The following PHACTR2 variants were observed in gnomAD, a reference collection of about 807,000 sequenced individuals.
PHACTR2 encodes the protein chromosome 6 open reading frame 56.
Under a neutral mutation model 76.0 loss-of-function variants are expected in PHACTR2, and 30 were observed. The observed-to-expected ratio is 0.39, with a 90% CI of 0.30 to 0.54. The LOEUF (loss-of-function observed/expected upper bound fraction) is 0.54. Among genes scored for constraint, PHACTR2 ranks in the 20% least tolerant of loss-of-function variants. PHACTR2 has a pLI of 0.61. For missense variants in PHACTR2, 696 were observed against 781.1 expected, an observed-to-expected ratio of 0.89 and a Z score of 1.30; for synonymous variants, 292 against 292.5, an observed-to-expected ratio of 1.00 and a Z score of 0.02.
chr6:143,692,870 A>C (rs561528349), intron 1 of PHACTR2, among the ~76,000 whole-genome samples: 1 of 152,330 alleles, frequency 6.6e-6, no homozygotes, highest in South Asian at 2.1e-4. Flanking sequence ...CCACAGACTG[A>C]GTGGCTGCAA....
intron 1 of PHACTR2, among the ~76,000 whole-genome samples, chr6:143,587,470 T>C (rs183503955): frequency 1.3e-5 from 2 of 152,132 alleles, no homozygotes; most frequent in East Asian, 3.9e-4. Context: ...ATAATAATAA[T>C]AAAAGCAAGA....
At chr6:143,569,132 T>C (rs1341195006) in intron 1 of PHACTR2, among the ~76,000 whole-genome samples, 1 of 152,240 alleles carries the variant, frequency 6.6e-6, no homozygotes, top group African/African-American at 2.4e-5. Flanking sequence ...TTGCACTTTC[T>C]GGCCTCCCTT....
At chr6:143,551,163 T>A (rs143652570) in intron 1 of PHACTR2, among the ~76,000 whole-genome samples, 179 of 152,184 alleles carry the variant, frequency 1.2e-3, no homozygotes, top group African/African-American at 4.2e-3. Context: ...AGAAGATGGA[T>A]ATACAGCAGT....
At chr6:143,615,623 A>C (rs978050074) in intron 1 of PHACTR2, among the ~76,000 whole-genome samples, 3 of 144,788 alleles carry the variant, frequency 2.1e-5, no homozygotes, top group South Asian at 2.1e-4. Context: ...TACCATTGTA[A>C]AAAAAATTAT....
rs1033156904 is a variant in PHACTR2, at chr6:143,764,075, G to A, written c.695-1186G>A. Among the ~76,000 whole-genome samples the A allele has an allele frequency of 2.0e-5, 3 of 152,116 alleles. No homozygotes were observed. The highest frequency in any genetic ancestry group is 1.9e-4 in the East Asian group (1 of 5,202). ...TTGTTTTGAAACTGTTTTGATTGAG[G>A]GTGCCCTATCCGGAAGTAGGCAAAT... is the stretch of plus-strand genomic sequence containing the variant. On this transcript the variant is annotated intron_variant, in intron 5 of 12. Coordinates refer to ENST00000440869, the MANE Select transcript of PHACTR2 (RefSeq NM_001100164.2). The surrounding 1 kb of genome is among the most constrained non-coding windows in gnomAD (Gnocchi z 4.7).
At chr6:143,686,809 G>A (rs1488168736) in intron 1 of PHACTR2, among the ~76,000 whole-genome samples, 1 of 152,120 alleles carries the variant, frequency 6.6e-6, no homozygotes, top group African/African-American at 2.4e-5. Context: ...TGAAGAGTTA[G>A]TGTGACAGTC....
rs571171374 is a variant in PHACTR2 at position 143,602,785 on chromosome 6, G to T, written c.217+65578G>T. ...GTCTGATGGATGTTGCCTTATGTAAGGTCCAGACACCAGGCAATCTGGATG... is the reference window on the plus strand; with the variant it reads ...GTCTGATGGATGTTGCCTTATGTAATGTCCAGACACCAGGCAATCTGGATG... On this transcript the variant is annotated intron_variant, in intron 1 of 11. Transcript: ENST00000367584. The surrounding 1 kb of genome is among the most constrained non-coding windows in gnomAD (Gnocchi z 6.1). 3.3e-5 allele frequency among the ~76,000 whole-genome samples: 5 copies of T among 152,282 alleles called. No homozygotes were observed. Among genetic ancestry groups the T allele is most frequent in the South Asian group, 4.1e-4 (2 of 4,828 alleles).
At chr6:143,701,109 A>G (rs1777902180) in intron 1 of PHACTR2, among the ~76,000 whole-genome samples, 1 of 152,238 alleles carries the variant, frequency 6.6e-6, no homozygotes, top group African/African-American at 2.4e-5. Context: ...AATCTGTTAA[A>G]TATCCTGTAG....
chr6:143,810,062 G>C (rs904277556), intron 12 of PHACTR2, among the ~76,000 whole-genome samples: 1 of 151,892 alleles, frequency 6.6e-6, no homozygotes, highest in African/African-American at 2.4e-5. Context: ...AGTGAGCCCA[G>C]ATCACACCAC....
In PHACTR2 at chr6:143,782,363, T is replaced by C. The variant is rs1462023273; in HGVS notation, c.1646-856T>C. 1.3e-5 allele frequency among the ~76,000 whole-genome samples: 2 copies of C among 152,210 alleles called. No individual in the cohort carries two copies. Among genetic ancestry groups the C allele is most frequent in the African/African-American group, 4.8e-5 (2 of 41,442 alleles). ...GCACTTTCTAAAACATAATCTTTCATAAGCATCGGTATCCAAGAAGCAAAA... is the reference window on the plus strand; with the variant it reads ...GCACTTTCTAAAACATAATCTTTCACAAGCATCGGTATCCAAGAAGCAAAA... On this transcript the variant is annotated intron_variant, in intron 9 of 12. Coordinates refer to ENST00000440869, the MANE Select transcript of PHACTR2 (RefSeq NM_001100164.2). The surrounding 1 kb of genome is among the most constrained non-coding windows in gnomAD (Gnocchi z 4.6).
Position 143,793,581 on chromosome 6 carries a change from A to G in PHACTR2, c.1845+4671A>G, listed in dbSNP as rs1427842298. Among the ~76,000 whole-genome samples the G allele has an allele frequency of 6.6e-6, 1 of 152,060 alleles. No individual in the cohort carries two copies. Among genetic ancestry groups the G allele is most frequent in the Non-Finnish European group, 1.5e-5 (1 of 68,010 alleles). On this transcript the variant is annotated intron_variant, in intron 11 of 12. Coordinates refer to ENST00000440869, the MANE Select transcript of PHACTR2 (RefSeq NM_001100164.2). This position sits in a 1 kb window ranked among gnomAD's most constrained non-coding sequence, Gnocchi z 4.4. ...ATTGTGTATGTGTGTGTTTCTCTGG[A>G]AGAAAATTAAGAGGTAGAATTTCTT...
At position 143,794,170 on chromosome 6, in the gene PHACTR2, G is replaced by C. The variant is rs986217492; in HGVS notation, c.1845+5260G>C. On this transcript the variant is annotated intron_variant, in intron 11 of 12. Coordinates refer to ENST00000440869, the MANE Select transcript of PHACTR2 (RefSeq NM_001100164.2). This position sits in a 1 kb window ranked among gnomAD's most constrained non-coding sequence, Gnocchi z 4.1. ...TCCCTCTAGTTGTTAAAAGATAAGTGTGATGAAATAGTACAATATTATTGC... is the reference window on the plus strand; with the variant it reads ...TCCCTCTAGTTGTTAAAAGATAAGTCTGATGAAATAGTACAATATTATTGC... 6.6e-6 allele frequency among the ~76,000 whole-genome samples: 1 copy of C among 151,754 alleles called. No individual in the cohort carries two copies. Among genetic ancestry groups the C allele is most frequent in the African/African-American group, 2.4e-5 (1 of 41,378 alleles).
chr6:143,633,492 T>C lies in PHACTR2; in HGVS notation c.13+25170T>C, dbSNP rs1776399599. ...GTCTTTTGTCCATTTTTAAATTGGATTCTTCATTCCCTTATTGTTGTGCTT... is the reference window on the plus strand; with the variant it reads ...GTCTTTTGTCCATTTTTAAATTGGACTCTTCATTCCCTTATTGTTGTGCTT... On this transcript the variant is annotated intron_variant, in intron 1 of 11. Coordinates refer to the PHACTR2 transcript ENST00000305766. The surrounding 1 kb of genome is among the most constrained non-coding windows in gnomAD (Gnocchi z 4.1). 1.3e-5 allele frequency among the ~76,000 whole-genome samples: 2 copies of C among 152,228 alleles called. No individual in the cohort carries two copies. The highest frequency in any genetic ancestry group is 2.9e-5 in the Non-Finnish European group (2 of 68,032).
chr6:143,624,630 A>T lies in PHACTR2; in HGVS notation c.13+16308A>T, dbSNP rs1776222804. ...GTATGCGGCTTTTTTCACATGGCTA[A>T]ATTCCAGCCTGTGTCTGCTTGGATG... is the stretch of plus-strand genomic sequence containing the variant. On this transcript the variant is annotated intron_variant, in intron 1 of 11. Coordinates refer to the PHACTR2 transcript ENST00000305766. This position sits in a 1 kb window ranked among gnomAD's most constrained non-coding sequence, Gnocchi z 4.6. Among the ~76,000 whole-genome samples the T allele has an allele frequency of 6.6e-6, 1 of 152,086 alleles. No individual in the cohort carries two copies. The highest frequency in any genetic ancestry group is 6.6e-5 in the Admixed American group (1 of 15,252).
chr6:143,552,175 A>G (rs750862543), intron 1 of PHACTR2, among the ~76,000 whole-genome samples: 1 of 152,192 alleles, frequency 6.6e-6, no homozygotes, highest in African/African-American at 2.4e-5. Context: ...ACCTGAAAAT[A>G]GTGAGAAGCC....
chr6:143,785,514 C>G (rs2128478664), intron 10 of PHACTR2, among the ~76,000 whole-genome samples: 1 of 152,314 alleles, frequency 6.6e-6, no homozygotes, highest in Admixed American at 6.5e-5. Context: ...ATCTACCATT[C>G]TGGGTTCTGG....
chr6:143,815,319 T>C (rs985509202), intron 12 of PHACTR2, among the ~76,000 whole-genome samples: 2 of 152,088 alleles, frequency 1.3e-5, no homozygotes, highest in African/African-American at 2.4e-5. Flanking sequence ...TAAGTATATG[T>C]ACAGGAGGAT....
rs991342110 is a variant in PHACTR2, at chr6:143,571,800, G to T, written c.217+34593G>T. ...CTCATCTTGTGTTTTCTCTGTCCCT[G>T]CTTTAGAATCAGTCTTTTCTCCTAT... On this transcript the variant is annotated intron_variant, in intron 1 of 11. Transcript: ENST00000367584. This position sits in a 1 kb window ranked among gnomAD's most constrained non-coding sequence, Gnocchi z 4.6. 6.6e-6 allele frequency among the ~76,000 whole-genome samples: 1 copy of T among 152,020 alleles called. No individual in the cohort carries two copies. The highest frequency in any genetic ancestry group is 2.4e-5 in the African/African-American group (1 of 41,382).
At chr6:143,670,331 C>T (rs1777130964) in intron 1 of PHACTR2, among the ~76,000 whole-genome samples, 1 of 152,092 alleles carries the variant, frequency 6.6e-6, no homozygotes, top group Admixed American at 6.6e-5. Flanking sequence ...TGGGGTTGCT[C>T]TTCTCGAGGA....
Sources: allele counts gnomAD v4.1 joint callset (sites outside exome capture counted in the v4.1 genomes callset), GRCh38; gene constraint gnomAD v4.1.1; non-coding constraint Gnocchi (gnomAD v3.1); transcripts MANE v1.5; gene names NCBI Gene and HGNC (gene_info 2026-07-23, HGNC 2026-07-21).